FMN1: variants seen among roughly 807,000 people sequenced by gnomAD.
FMN1 encodes the protein formin 1, also known as formin-1.
In FMN1, 110 loss-of-function variants were observed where a neutral mutation model predicts 132.4. The ratio of observed to expected loss-of-function variants is 0.83; its 90% CI spans 0.71 to 0.97. The LOEUF is 0.97. Ranked by LOEUF, FMN1 falls within the 50% of genes least tolerant of loss-of-function variation. The pLI, the probability that FMN1 is intolerant of heterozygous loss-of-function variation, is 0.00. For synonymous variants in FMN1, 722 were observed against 651.7 expected (o/e 1.11, Z -1.64); for missense variants, 1,792 against 1,705.3 (o/e 1.05, Z -0.90).
intron 17 of FMN1, among the ~76,000 whole-genome samples, chr15:32,831,288 G>A (rs573434113): frequency 5.3e-5 from 8 of 151,560 alleles, no homozygotes; most frequent in East Asian, 1.9e-4. Context: ...GTATGATCTC[G>A]GCTACTGCAA....
intron 10 of FMN1, among the ~76,000 whole-genome samples, chr15:32,925,257 TTGAAAA>T (rs2060930680): frequency 6.6e-6 from 1 of 152,218 alleles, no homozygotes; most frequent in Admixed American, 6.5e-5. Flanking sequence ...CATCATTATT[TTGAAAA>T]CTTCTATTGA....
At chr15:32,944,078 C>T (rs1379476997) in intron 9 of FMN1, among the ~76,000 whole-genome samples, 1 of 152,180 alleles carries the variant, frequency 6.6e-6, no homozygotes, top group Non-Finnish European at 1.5e-5. Context: ...AGCAATGATT[C>T]CTCCCAGCCA....
At chr15:33,030,274 G>A (rs888363736) in intron 6 of FMN1, among the ~76,000 whole-genome samples, 1 of 152,212 alleles carries the variant, frequency 6.6e-6, no homozygotes, top group Non-Finnish European at 1.5e-5. Flanking sequence ...AGTGAGGAGA[G>A]GCCGGAATTT....
chr15:32,794,568 CA>C (rs201417814), intron 19 of FMN1, among the ~76,000 whole-genome samples: 1 of 142,810 alleles, frequency 7.0e-6, no homozygotes, highest in Non-Finnish European at 1.5e-5. Context: ...ATTCAGCAGC[CA>C]AAAAAAATAA....
chr15:33,091,268 T>C (rs1044730922), intron 4 of FMN1, among the ~76,000 whole-genome samples: 6 of 152,304 alleles, frequency 3.9e-5, no homozygotes, highest in South Asian at 2.1e-4. Context: ...TTTGGGGTCC[T>C]TGAAACACAC....
At chr15:33,023,320 A>G (rs530429814) in intron 6 of FMN1, among the ~76,000 whole-genome samples, 1 of 152,246 alleles carries the variant, frequency 6.6e-6, no homozygotes, top group African/African-American at 2.4e-5. Context: ...TCAAAACATA[A>G]GAAGAAACCT....
rs1491184174 is a variant in FMN1, at chr15:32,783,784, A to AAAAAAG, written c.4131-6866_4131-6865insCTTTTT. 9.5e-4 allele frequency among the ~76,000 whole-genome samples: 101 copies of AAAAAAG among 105,868 alleles called. 40 individuals are homozygous for AAAAAAG. The East Asian group carries it at 0.017, about 18-fold the overall frequency. The allele number at this position is 105,868 out of a possible 152,430, so 69.5% of individuals were successfully genotyped here. A position where few individuals can be genotyped will look rare whatever the true frequency, so the allele number is the denominator to read the frequency against. The stretch of plus-strand genomic sequence containing the variant: ...AAAAAAAAAAAAAAAAAAAAAAAAA[A>AAAAAAG]TAGTTGAAGTGGCGTGGCTTTCCAT... On this transcript the variant is annotated intron_variant, in intron 19 of 20. Transcript: ENST00000616417.
chr15:32,969,773 G>A (rs550313963), intron 7 of FMN1, among the ~76,000 whole-genome samples: 2 of 152,232 alleles, frequency 1.3e-5, no homozygotes, highest in South Asian at 4.1e-4. Flanking sequence ...TACCCAATTT[G>A]CATATCAAAC....
intron 9 of FMN1, among the ~76,000 whole-genome samples, chr15:32,939,732 A>C (rs914778681): frequency 1.3e-5 from 2 of 152,208 alleles, no homozygotes; most frequent in Non-Finnish European, 2.9e-5. Context: ...CATCTCTTAT[A>C]CTGTGCTTGA....
chr15:33,015,159 T>C (rs2034967485), intron 6 of FMN1, among the ~76,000 whole-genome samples: 1 of 152,202 alleles, frequency 6.6e-6, no homozygotes, highest in Non-Finnish European at 1.5e-5. Flanking sequence ...TATTCCCTTG[T>C]TTTCGTTCTT....
intron 6 of FMN1, among the ~76,000 whole-genome samples, chr15:33,015,906 A>G (rs1176602698): frequency 1.3e-5 from 2 of 152,202 alleles, no homozygotes; most frequent in Non-Finnish European, 2.9e-5. Flanking sequence ...TGCTTCCCAG[A>G]TAGTGTTGAT....
In FMN1 at chr15:33,117,200, CAAA is replaced by C. The variant is rs769692016; in HGVS notation, c.1868-28229_1868-28227del. Among the ~76,000 whole-genome samples the C allele has an allele frequency of 1.1e-4, 17 of 152,136 alleles. No homozygotes were observed. The East Asian group carries it at 2.7e-3, about 24-fold the overall frequency. ...CTCACGGAGTCCCCAACCCCTACTCCAAAAGAGAGAGAGAGAAAACAAATCCAG... is the reference window on the plus strand; with the variant it reads ...CTCACGGAGTCCCCAACCCCTACTCCAGAGAGAGAGAGAAAACAAATCCAG... On this transcript the variant is annotated intron_variant, in intron 4 of 20. Transcript: ENST00000616417.
At chr15:32,774,920 G>A (rs965946436) in intron 20 of FMN1, among the ~76,000 whole-genome samples, 2 of 152,232 alleles carry the variant, frequency 1.3e-5, no homozygotes, top group South Asian at 2.1e-4. Flanking sequence ...TAAAGGGAAG[G>A]ACATGGACAT....
chr15:33,053,249 T>TA (rs2037062011), intron 6 of FMN1, among the ~76,000 whole-genome samples: 2 of 152,250 alleles, frequency 1.3e-5, no homozygotes, highest in South Asian at 2.1e-4. Flanking sequence ...ACAGCAGAAC[T>TA]AAAAAAACTA....
At chr15:33,127,821 A>T (rs1180933279) in intron 4 of FMN1, among the ~76,000 whole-genome samples, 1 of 152,236 alleles carries the variant, frequency 6.6e-6, no homozygotes, top group African/African-American at 2.4e-5. Flanking sequence ...CTCATTCCTC[A>T]GTCTCCCTGA....
intron 19 of FMN1, among the ~76,000 whole-genome samples, chr15:32,793,345 T>C (rs796993118): frequency 1.1e-4 from 16 of 152,262 alleles, no homozygotes; most frequent in African/African-American, 3.9e-4. Flanking sequence ...AGTGGCGCGA[T>C]CTCGGCTCAC....
intron 9 of FMN1, among the ~76,000 whole-genome samples, chr15:32,945,798 C>T (rs2140465535): frequency 6.6e-6 from 1 of 152,286 alleles, no homozygotes; most frequent in East Asian, 1.9e-4. Flanking sequence ...CCCCTAGCTG[C>T]AGTGCCTCAA....
chr15:33,017,221 A>T (rs957918674), intron 6 of FMN1, among the ~76,000 whole-genome samples: 1 of 152,020 alleles, frequency 6.6e-6, no homozygotes, highest in Admixed American at 6.6e-5. Context: ...CAGTGCAACT[A>T]CTCTGTATGC....
rs1217003983 is a variant in FMN1 at position 33,069,991 on chromosome 15, CTCT to C, written c.2044-4920_2044-4918del. On this transcript the variant is annotated intron_variant, in intron 5 of 20. Transcript: ENST00000616417. Reference sequence around the variant, plus strand: ...ACAACAGATCATAAGATCAGTCTTTCTCTTTTTTTTTTTTTTTTTTTTTTTTTT... The same window carrying C: ...ACAACAGATCATAAGATCAGTCTTTCTTTTTTTTTTTTTTTTTTTTTTTTT... Among the ~76,000 whole-genome samples, 35 of 59,600 alleles carry C rather than the reference CTCT, an allele frequency of 5.9e-4. 2 individuals are homozygous for C. The East Asian group carries it at 6.0e-3, about 10-fold the overall frequency. The allele number at this position is 59,600 out of a possible 152,430, so 39.1% of individuals were successfully genotyped here. A position where few individuals can be genotyped will look rare whatever the true frequency, so the allele number is the denominator to read the frequency against.
Sources: gnomAD v4.1 joint callset for allele counts (sites outside exome capture counted in the v4.1 genomes callset) on GRCh38, gnomAD v4.1.1 for gene constraint, MANE v1.5 for transcripts, NCBI Gene and HGNC (gene_info 2026-07-23, HGNC 2026-07-21) for gene names.